The following NOL4 variants were observed in gnomAD, a reference collection of about 807,000 sequenced individuals.
The protein encoded by NOL4 is nucleolar protein 4.
In NOL4, 17 loss-of-function variants were observed where a neutral mutation model predicts 75.9. The observed-to-expected ratio is 0.22, with a 90% CI of 0.15 to 0.34. The LOEUF is 0.34. Among genes scored for constraint, NOL4 ranks in the 10% least tolerant of loss-of-function variants. The pLI, the probability that NOL4 is intolerant of heterozygous loss-of-function variation, is 1.00. For missense variants in NOL4, 614 were observed against 793.5 expected (o/e 0.77, Z 2.72); for synonymous variants, 292 against 289.9 (o/e 1.01, Z -0.07).
chr18:33,887,418 G>C (rs1326394977), intron 9 of NOL4, among the ~76,000 whole-genome samples: 1 of 138,324 alleles, frequency 7.2e-6, no homozygotes, highest in Non-Finnish European at 1.6e-5. Flanking sequence ...AAGAAGGTGA[G>C]TTTTTTTTTT....
intron 1 of NOL4, among the ~76,000 whole-genome samples, chr18:34,148,092 T>G (rs1402000569): frequency 1.3e-5 from 2 of 152,252 alleles, no homozygotes; most frequent in East Asian, 3.9e-4. Flanking sequence ...TGTGTCTGTT[T>G]GATTCTTCTC....
intron 6 of NOL4, among the ~76,000 whole-genome samples, chr18:33,998,727 G>A (rs1352205138): frequency 6.6e-6 from 1 of 152,120 alleles, no homozygotes; most frequent in Admixed American, 6.6e-5. Flanking sequence ...CACGTGACAA[G>A]TGTTCAATCA....
chr18:34,061,832 T>C (rs1046085785), intron 5 of NOL4, among the ~76,000 whole-genome samples: 1 of 152,170 alleles, frequency 6.6e-6, no homozygotes, highest in Non-Finnish European at 1.5e-5. Flanking sequence ...CTTAAATATC[T>C]ATTGTATTTC....
chr18:34,126,129 T>A (rs2080377304), intron 2 of NOL4, among the ~76,000 whole-genome samples: 1 of 152,122 alleles, frequency 6.6e-6, no homozygotes, highest in African/African-American at 2.4e-5. Context: ...ACATGAGTAG[T>A]GATTGGACAA....
intron 9 of NOL4, among the ~76,000 whole-genome samples, chr18:33,900,960 C>T (rs928480097): frequency 1.3e-5 from 2 of 152,084 alleles, no homozygotes; most frequent in African/African-American, 4.8e-5. Flanking sequence ...GTCTAGCATG[C>T]TACAAATTGG....
intron 9 of NOL4, among the ~76,000 whole-genome samples, chr18:33,890,559 T>G (rs184326282): frequency 3.9e-4 from 60 of 152,110 alleles, no homozygotes; most frequent in Middle Eastern, 3.4e-3. Context: ...GGGTGAGTTT[T>G]ATACTGTGGT....
chr18:34,166,874 A>G lies in NOL4; in HGVS notation c.265-36854T>C, dbSNP rs2032415705. ...AACAAGGTGAAACCCCGTCTCTACTAAAAAATACAAAAAATTAGCCGGGCG... is the reference window on the plus strand; with the variant it reads ...AACAAGGTGAAACCCCGTCTCTACTGAAAAATACAAAAAATTAGCCGGGCG... On this transcript the variant is annotated intron_variant, in intron 1 of 10. Transcript: ENST00000261592. 2.1e-5 allele frequency among the ~76,000 whole-genome samples: 2 copies of G among 93,618 alleles called. 1 individual carries two copies. The highest frequency in any genetic ancestry group is 6.3e-4 in the South Asian group (2 of 3,180). 61.4% of individuals were successfully genotyped at this position (93,618 alleles called of 152,430 possible). A position where few individuals can be genotyped will look rare whatever the true frequency, so the allele number is the denominator to read the frequency against.
chr18:34,180,207 A>T (rs534379256), intron 1 of NOL4, among the ~76,000 whole-genome samples: 1 of 151,658 alleles, frequency 6.6e-6, no homozygotes, highest in African/African-American at 2.4e-5. Flanking sequence ...ACAGAACAAT[A>T]TCCTTTATTA....
chr18:34,183,406 T>A (rs993239348), intron 1 of NOL4: 2 of 151,806 alleles, frequency 1.3e-5, no homozygotes, highest in African/African-American at 4.8e-5. Flanking sequence ...CAGTGAAGAG[T>A]AGAGCAACTG....
intron 9 of NOL4, 87 bp from the exon 10 acceptor site, chr18:33,883,511 C>A (rs934677582): frequency 1.0e-6 from 1 of 976,710 alleles, no homozygotes; most frequent in Non-Finnish European, 1.4e-6. Flanking sequence ...ATCTAAATAC[C>A]TGCATTGAAT....
At chr18:33,903,037 G>T (rs1185378672) in intron 9 of NOL4, among the ~76,000 whole-genome samples, 1 of 152,076 alleles carries the variant, frequency 6.6e-6, no homozygotes, top group Non-Finnish European at 1.5e-5. Context: ...CTAAGTCTCA[G>T]ATTACTGGAG....
At chr18:33,926,515 T>A (rs2067341227) in intron 9 of NOL4, among the ~76,000 whole-genome samples, 1 of 152,182 alleles carries the variant, frequency 6.6e-6, no homozygotes, top group African/African-American at 2.4e-5. Context: ...GTAGCAAAGA[T>A]AAAGAAATAA....
intron 6 of NOL4, among the ~76,000 whole-genome samples, chr18:33,976,886 T>C (rs1264514640): frequency 6.6e-6 from 1 of 152,164 alleles, no homozygotes; most frequent in Non-Finnish European, 1.5e-5. Flanking sequence ...TAAATATTTA[T>C]TTCACTGGCC....
chr18:33,899,684 C>A (rs1432274705), intron 9 of NOL4, among the ~76,000 whole-genome samples: 2 of 152,134 alleles, frequency 1.3e-5, no homozygotes, highest in Non-Finnish European at 2.9e-5. Flanking sequence ...GGACAAGTTG[C>A]TCTGGTGTTT....
intron 1 of NOL4, among the ~76,000 whole-genome samples, chr18:34,215,070 T>C (rs1239506332): frequency 6.6e-6 from 1 of 152,184 alleles, no homozygotes; most frequent in African/African-American, 2.4e-5. Context: ...ATGAAAAAGC[T>C]CTGGAGATCT....
intron 6 of NOL4, among the ~76,000 whole-genome samples, chr18:33,984,371 C>G (rs777879314): frequency 1.3e-5 from 2 of 152,032 alleles, no homozygotes; most frequent in Non-Finnish European, 2.9e-5. Flanking sequence ...TGAGAATTTG[C>G]AAGCTTCCCA....
chr18:33,878,690 C>A (rs1484043181), intron 10 of NOL4, among the ~76,000 whole-genome samples: 1 of 151,964 alleles, frequency 6.6e-6, no homozygotes, highest in African/African-American at 2.4e-5. Context: ...ATTTTAAATT[C>A]AAGTTGGCCA....
intron 5 of NOL4, among the ~76,000 whole-genome samples, chr18:34,058,330 T>C (rs1026682575): frequency 6.6e-6 from 1 of 152,136 alleles, no homozygotes; most frequent in Non-Finnish European, 1.5e-5. Context: ...GAGACGGGGT[T>C]TCACCATGTT....
intron 10 of NOL4, among the ~76,000 whole-genome samples, chr18:33,872,637 G>A (rs2063753659): frequency 6.6e-6 from 1 of 151,970 alleles, no homozygotes; most frequent in Non-Finnish European, 1.5e-5. Flanking sequence ...AAACTTCTGT[G>A]ATGATGGGAA....
Sources: gnomAD v4.1 joint callset for allele counts (sites outside exome capture counted in the v4.1 genomes callset) on GRCh38, gnomAD v4.1.1 for gene constraint, MANE v1.5 for transcripts, NCBI Gene and HGNC (gene_info 2026-07-23, HGNC 2026-07-21) for gene names.